AKNAD1: variants seen among roughly 807,000 people sequenced by gnomAD.
AKNAD1 encodes protein AKNAD1.
A neutral mutation model predicts 90.8 loss-of-function variants in AKNAD1; 67 were observed. That is an observed-to-expected ratio of 0.74 (90% CI 0.61 to 0.90). The LOEUF is 0.90. Among genes scored for constraint, AKNAD1 ranks in the 40% least tolerant of loss-of-function variants. AKNAD1 has a pLI of 0.00. For missense variants in AKNAD1, 957 were observed against 975.4 expected (o/e 0.98, Z 0.25); for synonymous variants, 327 against 341.4 (o/e 0.96, Z 0.46).
intron 6 of AKNAD1, among the ~76,000 whole-genome samples, chr1:108,839,152 C>G (rs1664461343): frequency 6.6e-6 from 1 of 152,068 alleles, no homozygotes; most frequent in Non-Finnish European, 1.5e-5. Flanking sequence ...GACTTTTAAG[C>G]AACAGATAAG....
At chr1:108,835,774 G>A (rs1044744755) in intron 7 of AKNAD1, among the ~76,000 whole-genome samples, 2 of 152,034 alleles carry the variant, frequency 1.3e-5, no homozygotes, top group Non-Finnish European at 2.9e-5. Flanking sequence ...ACAGGCGCCC[G>A]CCACCACGCC....
intron 10 of AKNAD1, among the ~76,000 whole-genome samples, chr1:108,830,121 T>C (rs1664138343): frequency 6.6e-6 from 1 of 151,386 alleles, no homozygotes; most frequent in African/African-American, 2.4e-5. Context: ...AAGGAGAGAG[T>C]AGGGATGGTG....
At position 108,817,069 on chromosome 1, in the gene AKNAD1, G is replaced by A; in HGVS notation, c.2358C>T (p.Ser786=). ...TCACCTCAGATTTTATTTCTTCAGT[G>A]CTATCAAAGTCACATAAGGATTTGC... The part of the protein sequence containing the change: ...SGSKSLCDFD[S]TEEIKSEILN... The change falls in exon 15 of 16, where the codon AGC becomes AGT. Residue 786 remains serine (S), a synonymous_variant. Transcript: ENST00000370001. 9 of 1,614,082 alleles carry A rather than the reference G, an allele frequency of 5.6e-6. No individual in the cohort carries two copies. Among genetic ancestry groups the A allele is most frequent in the Non-Finnish European group, 7.6e-6 (9 of 1,179,978 alleles).
At chr1:108,847,276 C>T (rs529723663) in intron 5 of AKNAD1, among the ~76,000 whole-genome samples, 5 of 151,994 alleles carry the variant, frequency 3.3e-5, no homozygotes, top group East Asian at 3.9e-4. Flanking sequence ...GGTGAAACCC[C>T]GTCTCTACTA....
At chr1:108,822,421 G>T (rs1448319739) in intron 13 of AKNAD1, among the ~76,000 whole-genome samples, 1 of 152,180 alleles carries the variant, frequency 6.6e-6, no homozygotes, top group Middle Eastern at 3.2e-3. Flanking sequence ...AGTGTCACAG[G>T]CTGTAGACCT....
Position 108,852,633 on chromosome 1 carries a change from G to C in AKNAD1, c.32C>G (p.Thr11Ser), listed in dbSNP as rs1217697771. The change falls in exon 2 of 16, where the codon ACT becomes AGT. Residue 11 changes from threonine to serine, a missense_variant. Transcript: ENST00000370001. Reference sequence around the variant, plus strand: ...ATAAGGCAAATCCTCCTGCTTATAAGTCGTGTGTTCTGAAAAATCAGCCTC... The same window carrying C: ...ATAAGGCAAATCCTCCTGCTTATAACTCGTGTGTTCTGAAAAATCAGCCTC... MDEADFSEHTTYKQEDLPYDG... is the reference protein window; with the variant it reads MDEADFSEHTSYKQEDLPYDG... 2.4e-5 allele frequency: 39 copies of C among 1,596,224 alleles called. No homozygotes were observed. Among genetic ancestry groups the C allele is most frequent in the Non-Finnish European group, 3.3e-5 (39 of 1,172,244 alleles).
At chr1:108,856,717 C>CACACACA (rs1471466457) in intron 1 of AKNAD1, among the ~76,000 whole-genome samples, 9,930 of 142,980 alleles carry the variant, frequency 0.069, 471 homozygotes, top group Non-Finnish European at 0.097. Context: ...CTCTCTCTCT[C>CACACACA]TCACACACAC....
Position 108,843,244 on chromosome 1 carries a change from G to T in AKNAD1, c.1269C>A (p.His423Gln), listed in dbSNP as rs112398173. The T allele has an allele frequency of 4.2e-5, 68 of 1,614,052 alleles. No homozygotes were observed. In the African/African-American group the frequency reaches 7.6e-4, roughly 18 times the overall value. ...GAAAGTTCTGCTCCAGCAGTTCAAG[G>T]TGTCCCTGCAGTTTCTCCAGGACCT... ...KKLVLEKLQG[H>Q]LELLEQNFLA... Residue 423 changes from histidine to glutamine, a missense_variant, in exon 6 of 16, where the codon CAC becomes CAA. Physicochemically the swap from His to Gln is conservative, Grantham distance 24. Transcript: ENST00000370001.
At chr1:108,855,856 A>G (rs1369682082) in intron 1 of AKNAD1, among the ~76,000 whole-genome samples, 1 of 148,368 alleles carries the variant, frequency 6.7e-6, no homozygotes, top group African/African-American at 2.5e-5. Context: ...CTAATTTTTT[A>G]GAACAAAAAA....
At chr1:108,828,192 G>A (rs1324753473) in intron 10 of AKNAD1, among the ~76,000 whole-genome samples, 1 of 151,734 alleles carries the variant, frequency 6.6e-6, no homozygotes, top group African/African-American at 2.4e-5. Flanking sequence ...GGAAGTACAA[G>A]CTGATTACAT....
intron 1 of AKNAD1, among the ~76,000 whole-genome samples, chr1:108,854,561 T>C (rs1664977569): frequency 6.6e-6 from 1 of 152,234 alleles, no homozygotes; most frequent in African/African-American, 2.4e-5. Flanking sequence ...TGTGAGACAT[T>C]GTACAAAAAT....
At chr1:108,846,186 T>G (rs1664696572) in intron 5 of AKNAD1, among the ~76,000 whole-genome samples, 1 of 152,146 alleles carries the variant, frequency 6.6e-6, no homozygotes, top group East Asian at 1.9e-4. Context: ...GGCGGTTGCT[T>G]GTAGCCCTGT....
chr1:108,830,623 G>C lies in AKNAD1; in HGVS notation c.1774C>G (p.Gln592Glu). The part of the protein sequence containing the change: ...GEDPNGTPRR[Q>E]DCAEMTAPSP... ...GGTGCCGTCATCTCTGCACAATCCT[G>C]CCTTCTTGGAGTGCCGTTGGGATCC... is the stretch of plus-strand genomic sequence containing the variant. Residue 592 changes from glutamine (Q) to glutamate (E), a missense_variant, in exon 10 of 16, where the codon CAG (glutamine) becomes GAG (glutamate). Transcript: ENST00000370001. The C allele has an allele frequency of 6.2e-7, 1 of 1,614,116 alleles. No individual in the cohort carries two copies. Among genetic ancestry groups the C allele is most frequent in the South Asian group, 1.1e-5 (1 of 91,084 alleles).
chr1:108,826,813 C>T (rs1664012232), intron 11 of AKNAD1, among the ~76,000 whole-genome samples: 1 of 146,380 alleles, frequency 6.8e-6, no homozygotes, highest in Admixed American at 7.0e-5. Context: ...GATCATGGCT[C>T]ACTGCAGCCT....
intron 9 of AKNAD1, among the ~76,000 whole-genome samples, chr1:108,831,957 C>T (rs1467605406): frequency 2.0e-5 from 3 of 151,578 alleles, no homozygotes; most frequent in Admixed American, 6.6e-5. Context: ...GACTTTTTAG[C>T]TCATGTCCTT....
chr1:108,834,625 G>GA (rs1400422534), intron 8 of AKNAD1, 97 bp from the exon 9 acceptor site: 1 of 1,263,524 alleles, frequency 7.9e-7, no homozygotes, highest in Admixed American at 2.2e-5. Context: ...TCACCCCTGG[G>GA]ATGGTGGGAG....
chr1:108,852,294 C>G lies in AKNAD1; in HGVS notation c.371G>C (p.Arg124Thr). The change falls in exon 2 of 16, where the codon AGA (arginine) becomes ACA (threonine). Residue 124 changes from arginine (R) to threonine (T), a missense_variant. By Grantham distance (71) the Arg-to-Thr change is moderately conservative. Transcript: ENST00000370001. Reference protein sequence around the residue: ...LHHLSKEPFLRGQGIDCETLP... With the variant: ...LHHLSKEPFLTGQGIDCETLP... ...GGTTTCACAATCAATGCCTTGACCT[C>G]TTAAGAATGGCTCTTTGGAAAGATG... 5 of 1,614,150 alleles carry G rather than the reference C, an allele frequency of 3.1e-6. No homozygotes were observed. Among genetic ancestry groups the G allele is most frequent in the Non-Finnish European group, 4.2e-6 (5 of 1,180,032 alleles).
rs1363357261 is a variant in AKNAD1, at chr1:108,823,493, T to C, written c.2060-16A>G. Reference sequence around the variant, plus strand: ...TAATGAAATTCTGGGAAGAAAAGATTAAAAATACAGTTAATTGCCTGGGAA... The same window carrying C: ...TAATGAAATTCTGGGAAGAAAAGATCAAAAATACAGTTAATTGCCTGGGAA... On this transcript the variant is annotated splice_polypyrimidine_tract_variant and intron_variant, in intron 12 of 15. Transcript: ENST00000370001. 1.2e-6 allele frequency: 2 copies of C among 1,612,290 alleles called. No individual in the cohort carries two copies. Among genetic ancestry groups the C allele is most frequent in the Non-Finnish European group, 1.7e-6 (2 of 1,178,396 alleles).
At chr1:108,841,209 TAAAAG>T (rs1160231422) in intron 6 of AKNAD1, among the ~76,000 whole-genome samples, 2 of 151,102 alleles carry the variant, frequency 1.3e-5, no homozygotes, top group Non-Finnish European at 2.9e-5. Flanking sequence ...ATAATAATAA[TAAAAG>T]AAATAAAATG....
Sources: gnomAD v4.1 joint callset for allele counts (sites outside exome capture counted in the v4.1 genomes callset) on GRCh38, gnomAD v4.1.1 for gene constraint, MANE v1.5 for transcripts, NCBI Gene and HGNC (gene_info 2026-07-23, HGNC 2026-07-21) for gene names.